The following SPATA31D1 variants were observed in gnomAD, a reference collection of about 807,000 sequenced individuals.
SPATA31D1 encodes the protein spermatogenesis-associated protein 31D1.
Under a neutral mutation model 13.2 loss-of-function variants are expected in SPATA31D1, and 6 were observed. That is an observed-to-expected ratio of 0.46 (90% confidence interval 0.25 to 0.90). The LOEUF (loss-of-function observed/expected upper bound fraction) is 0.90, where lower values mean the gene tolerates loss of function less well. Ranked by LOEUF, SPATA31D1 falls within the 40% of genes least tolerant of loss-of-function variation. The pLI is 0.18. For missense variants in SPATA31D1, 2,445 were observed against 1,884.7 expected, an observed-to-expected ratio of 1.30 and a Z score of -5.50; for synonymous variants, 903 against 718.8, an observed-to-expected ratio of 1.26 and a Z score of -4.10.
intron 1 of SPATA31D1, 69 bp from the exon 2 acceptor site, chr9:81,989,709 A>AATGAAT (rs1824914554): frequency 6.7e-7 from 1 of 1,498,176 alleles, no homozygotes; most frequent in South Asian, 1.1e-5. Flanking sequence ...TGAATGAATG[A>AATGAAT]ATGAATGAGC....
chr9:81,990,680 G>A, intron 3 of SPATA31D1, 93 bp from the exon 4 acceptor site: 1 of 1,482,840 alleles, frequency 6.7e-7, no homozygotes. Flanking sequence ...GAGGTCCTGG[G>A]TTGGGGGCAA....
Position 81,995,167 on chromosome 9 carries a change from A to G in SPATA31D1, c.4697A>G (p.His1566Arg), listed in dbSNP as rs1316815470. 28 of 1,549,512 alleles carry G rather than the reference A, an allele frequency of 1.8e-5. No individual in the cohort carries two copies. The highest frequency in any genetic ancestry group is 2.4e-5 in the Non-Finnish European group (28 of 1,145,422). ...ACTGGACAGAAAATGCTTCCAAAGC[A>G]TTTACAGGGAGGAAAATTTCCCCCC... The part of the protein sequence containing the change: ...FLTGQKMLPK[H>R]LQGGKFPPTK Residue 1566 changes from histidine (H) to arginine (R), a missense_variant, in exon 4 of 4, where the codon CAT (histidine) becomes CGT (arginine). By Grantham distance (29) the His-to-Arg change is conservative. Coordinates refer to ENST00000344803, the MANE Select transcript of SPATA31D1 (RefSeq NM_001001670.3).
chr9:81,994,275 A>C lies in SPATA31D1; in HGVS notation c.3805A>C (p.Lys1269Gln), dbSNP rs370270092. The change falls in exon 4 of 4, where the codon AAG becomes CAG. Residue 1269 changes from lysine to glutamine, a missense_variant. Transcript: ENST00000344803. ...GGACAGCGGAATCCGTGTGGCACAGAAGCAGGAGCCCAGGGTCCCTACCTG... is the reference window on the plus strand; with the variant it reads ...GGACAGCGGAATCCGTGTGGCACAGCAGCAGGAGCCCAGGGTCCCTACCTG... ...LEDSGIRVAQ[K>Q]QEPRVPTCVL... is the part of the protein sequence containing the mutation. 1.2e-5 allele frequency: 19 copies of C among 1,613,910 alleles called. No homozygotes were observed. In the African/African-American group the frequency reaches 1.6e-4, roughly 14 times the overall value.
rs1438215752 is a variant in SPATA31D1, at chr9:81,993,962, C to T, written c.3492C>T (p.Ser1164=). 4.3e-6 allele frequency: 7 copies of T among 1,613,712 alleles called. No individual in the cohort carries two copies. Among genetic ancestry groups the T allele is most frequent in the Non-Finnish European group, 4.2e-6 (5 of 1,179,772 alleles). Residue 1164 remains serine (S), a synonymous_variant, in exon 4 of 4, where the codon AGC becomes AGT. Coordinates refer to ENST00000344803, the MANE Select transcript of SPATA31D1 (RefSeq NM_001001670.3). ...QSQTRNNLTT[S]KSGSCSLTNV... ...AAACTAGGAACAACTTGACAACCAG[C>T]AAGTCAGGAAGCTGCTCACTGACAA...
chr9:81,992,855 G>C lies in SPATA31D1; in HGVS notation c.2385G>C (p.Lys795Asn). 1 of 1,613,784 alleles carries C rather than the reference G, an allele frequency of 6.2e-7. No individual in the cohort carries two copies. The change falls in exon 4 of 4, where the codon AAG becomes AAC. Residue 795 changes from lysine (K) to asparagine (N), a missense_variant. Physicochemically the swap from Lys to Asn is moderately conservative, Grantham distance 94 (BLOSUM62 0). Coordinates refer to ENST00000344803, the MANE Select transcript of SPATA31D1 (RefSeq NM_001001670.3). Reference protein sequence around the residue: ...LLHGPETSSDKDLRSNSERDL... With the variant: ...LLHGPETSSDNDLRSNSERDL... ...ATGGTCCGGAGACTTCTTCAGACAAGGATCTGAGGTCTAACTCTGAGAGAG... is the reference window on the plus strand; with the variant it reads ...ATGGTCCGGAGACTTCTTCAGACAACGATCTGAGGTCTAACTCTGAGAGAG...
chr9:81,990,225 G>A lies in SPATA31D1; in HGVS notation c.233-192G>A, dbSNP rs1038082320. On this transcript the variant is annotated intron_variant, in intron 2 of 3. Coordinates refer to ENST00000344803, the MANE Select transcript of SPATA31D1 (RefSeq NM_001001670.3). ...GTGGTGGTTTTGAGCATCACATGGG[G>A]TAATGTATGTGAAAGGACTTTACTA... 5 of 552,492 alleles carry A rather than the reference G, an allele frequency of 9.0e-6. No individual in the cohort carries two copies. The Admixed American group carries it at 9.7e-5, about 11-fold the overall frequency. The allele number at this position is 552,492 out of a possible 1,614,324, so 34.2% of individuals were successfully genotyped here.
rs756845211 is a variant in SPATA31D1, at chr9:81,990,837, C to G, written c.367C>G (p.Leu123Val). The G allele has an allele frequency of 1.9e-6, 3 of 1,613,966 alleles. No individual in the cohort carries two copies. Among genetic ancestry groups the G allele is most frequent in the Non-Finnish European group, 2.5e-6 (3 of 1,179,880 alleles). Residue 123 changes from leucine (L) to valine (V), a missense_variant, in exon 4 of 4, where the codon CTG (leucine) becomes GTG (valine). Coordinates refer to ENST00000344803, the MANE Select transcript of SPATA31D1 (RefSeq NM_001001670.3). Reference sequence around the variant, plus strand: ...TCATGATACCAACCACTTTCGTCGACTGTTATGCCCAGACCCCGTCTGTCG... The same window carrying G: ...TCATGATACCAACCACTTTCGTCGAGTGTTATGCCCAGACCCCGTCTGTCG... ...QHHDTNHFRR[L>V]LCPDPVCRVC...
At position 81,988,777 on chromosome 9, in the gene SPATA31D1, C is replaced by T; in HGVS notation, c.-42C>T. 6.2e-7 allele frequency: 1 copy of T among 1,611,712 alleles called. No homozygotes were observed. Among genetic ancestry groups the T allele is most frequent in the Non-Finnish European group, 8.5e-7 (1 of 1,179,558 alleles). ...TGTGCTTATAGTTAAGCCTGGGCAC[C>T]CTCAGTGCTCAGTTGCTTCAGGCAG... On this transcript the variant is annotated 5_prime_UTR_variant, in exon 1 of 4. Transcript: ENST00000344803.
At position 81,993,173 on chromosome 9, in the gene SPATA31D1, G is replaced by T. The variant is rs1825014938; in HGVS notation, c.2703G>T (p.Lys901Asn). 6.8e-6 allele frequency: 11 copies of T among 1,613,984 alleles called. No homozygotes were observed. The highest frequency in any genetic ancestry group is 8.5e-6 in the Non-Finnish European group (10 of 1,179,880). ...EISFLSSNKQ[K>N]MLEAHIKTFR... ...CCTTCCTTAGTTCCAACAAACAAAA[G>T]ATGTTGGAAGCCCATATTAAAACTT... The change falls in exon 4 of 4, where the codon AAG (lysine) becomes AAT (asparagine). Residue 901 changes from lysine to asparagine, a missense_variant. Lys to Asn is a moderately conservative substitution (Grantham distance 94). Coordinates refer to ENST00000344803, the MANE Select transcript of SPATA31D1 (RefSeq NM_001001670.3).
At chr9:81,990,610 G>A (rs1487525597) in intron 3 of SPATA31D1, 124 bp downstream of exon 3, 14 of 1,314,874 alleles carry the variant, frequency 1.1e-5, no homozygotes, top group Non-Finnish European at 1.4e-5. Context: ...ATAGGAATGG[G>A]TATGTGAATG....
In SPATA31D1 at chr9:81,993,303, CCCT is replaced by C. The variant is rs1825018333; in HGVS notation, c.2838_2840del (p.Ser947del). 3.1e-6 allele frequency: 5 copies of C among 1,613,886 alleles called. No homozygotes were observed. The highest frequency in any genetic ancestry group is 3.4e-6 in the Non-Finnish European group (4 of 1,179,894). ...CACTTCCTTTTCCCATTTCGACCTT[CCCT>C]CCTCAGCCACCTTCATCTCTCAGGG... On this transcript the variant is annotated inframe_deletion, in exon 4 of 4. Coordinates refer to ENST00000344803, the MANE Select transcript of SPATA31D1 (RefSeq NM_001001670.3).
upstream of SPATA31D1, among the ~76,000 whole-genome samples, chr9:81,988,614 G>T (rs552146989): frequency 1.3e-5 from 2 of 152,176 alleles, no homozygotes. Context: ...GGAGTGGCAA[G>T]GTAGGGCAGA....
rs772001973 is a variant in SPATA31D1, at chr9:81,994,852, A to G, written c.4382A>G (p.Tyr1461Cys). The G allele has an allele frequency of 1.2e-6, 2 of 1,613,986 alleles. No individual in the cohort carries two copies. The highest frequency in any genetic ancestry group is 8.5e-7 in the Non-Finnish European group (1 of 1,179,880). Residue 1461 changes from tyrosine to cysteine, a missense_variant, in exon 4 of 4, where the codon TAC becomes TGC. Physicochemically the swap from Tyr to Cys is radical, Grantham distance 194. Transcript: ENST00000344803. ...AEPVQGCPCN[Y>C]RAPSCKVTRT... ...CCTGTCCAGGGCTGTCCCTGCAACT[A>G]CAGGGCTCCCTCCTGCAAAGTGACA...
chr9:81,991,274 G>C lies in SPATA31D1; in HGVS notation c.804G>C (p.Leu268=), dbSNP rs1444371083. The C allele has an allele frequency of 6.2e-7, 1 of 1,613,864 alleles. No homozygotes were observed. The highest frequency in any genetic ancestry group is 8.5e-7 in the Non-Finnish European group (1 of 1,179,898). ...SSLQPEASLS[L]NTIFSFGSTL... is the part of the protein sequence containing the mutation. ...TCCAACCTGAAGCCAGTTTGTCTCT[G>C]AACACCATCTTTTCATTTGGCTCCA... Residue 268 remains leucine, a synonymous_variant, in exon 4 of 4, where the codon CTG becomes CTC. Transcript: ENST00000344803.
chr9:81,994,665 A>T lies in SPATA31D1; in HGVS notation c.4195A>T (p.Thr1399Ser), dbSNP rs1825059840. The T allele has an allele frequency of 1.9e-6, 3 of 1,613,554 alleles. No homozygotes were observed. The highest frequency in any genetic ancestry group is 1.7e-6 in the Non-Finnish European group (2 of 1,179,658). Residue 1399 changes from threonine to serine, a missense_variant, in exon 4 of 4, where the codon ACT becomes TCT. By Grantham distance (58) the Thr-to-Ser change is moderately conservative (BLOSUM62 1). Coordinates refer to ENST00000344803, the MANE Select transcript of SPATA31D1 (RefSeq NM_001001670.3). ...AGTTATAAGAGCTGCCTTTACTGGG[A>T]CTACTGAAGCTCAGAAAATTAGGAA... ...GRVIRAAFTG[T>S]TEAQKIRKDT... is the part of the protein sequence containing the mutation.
rs756294138 is a variant in SPATA31D1, at chr9:81,994,835, G to T, written c.4365G>T (p.Gln1455His). The change falls in exon 4 of 4, where the codon CAG becomes CAT. Residue 1455 changes from glutamine to histidine, a missense_variant. Gln to His is a conservative substitution (Grantham distance 24, BLOSUM62 0). Coordinates refer to ENST00000344803, the MANE Select transcript of SPATA31D1 (RefSeq NM_001001670.3). Reference protein sequence around the residue: ...PEVHVRAEPVQGCPCNYRAPS... With the variant: ...PEVHVRAEPVHGCPCNYRAPS... ...TGCATGTCAGAGCAGAGCCTGTCCAGGGCTGTCCCTGCAACTACAGGGCTC... is the reference window on the plus strand; with the variant it reads ...TGCATGTCAGAGCAGAGCCTGTCCATGGCTGTCCCTGCAACTACAGGGCTC... The T allele has an allele frequency of 5.6e-6, 9 of 1,613,964 alleles. No homozygotes were observed. In the Admixed American group the frequency reaches 1.5e-4, roughly 27 times the overall value.
chr9:81,993,328 A>C lies in SPATA31D1; in HGVS notation c.2858A>C (p.Gln953Pro). The C allele has an allele frequency of 6.2e-7, 1 of 1,613,948 alleles. No homozygotes were observed. The highest frequency in any genetic ancestry group is 8.5e-7 in the Non-Finnish European group (1 of 1,179,894). ...DLPSSATFISQGDSKDGVSKS... is the reference protein window; with the variant it reads ...DLPSSATFISPGDSKDGVSKS... ...CCCTCCTCAGCCACCTTCATCTCTCAGGGAGATTCCAAAGATGGGGTCTCT... is the reference window on the plus strand; with the variant it reads ...CCCTCCTCAGCCACCTTCATCTCTCCGGGAGATTCCAAAGATGGGGTCTCT... The change falls in exon 4 of 4, where the codon CAG becomes CCG. Residue 953 changes from glutamine (Q) to proline (P), a missense_variant. By Grantham distance (76) the Gln-to-Pro change is moderately conservative. Coordinates refer to ENST00000344803, the MANE Select transcript of SPATA31D1 (RefSeq NM_001001670.3).
At chr9:81,988,683 C>A (rs1824894325), upstream of SPATA31D1, 3 of 1,413,478 alleles carry the variant, frequency 2.1e-6, no homozygotes, top group Admixed American at 2.1e-5. Context: ...TGTGGACACA[C>A]CCTCCTCTTG....
chr9:81,989,150 G>A, intron 1 of SPATA31D1, 146 bp downstream of exon 1: 3 of 1,297,524 alleles, frequency 2.3e-6, no homozygotes, highest in Non-Finnish European at 3.1e-6. Flanking sequence ...ACTCTTCTAT[G>A]GAAGAGGTTG....
Sources: allele counts gnomAD v4.1 joint callset (sites outside exome capture counted in the v4.1 genomes callset), GRCh38; gene constraint gnomAD v4.1.1; transcripts MANE v1.5; gene names NCBI Gene and HGNC (gene_info 2026-07-23, HGNC 2026-07-21).